The following HNRNPD variants were observed in gnomAD, a reference collection of about 807,000 sequenced individuals.
The protein encoded by HNRNPD is heterogeneous nuclear ribonucleoprotein D0.
Under a neutral mutation model 47.9 loss-of-function variants are expected in HNRNPD, and 3 were observed. The ratio of observed to expected loss-of-function variants is 0.06; its 90% CI spans 0.03 to 0.16. HNRNPD has a LOEUF of 0.16. Ranked by LOEUF, HNRNPD falls within the 10% of genes least tolerant of loss-of-function variation. The pLI is 1.00. For synonymous variants in HNRNPD, 171 were observed against 165.1 expected (o/e 1.04, Z -0.28); for missense variants, 287 against 454.2 (o/e 0.63, Z 3.35).
chr4:82,358,763 T>C lies in HNRNPD; in HGVS notation c.517A>G (p.Lys173Glu), dbSNP rs1242676926. 1 of 1,613,048 alleles carries C rather than the reference T, an allele frequency of 6.2e-7. No individual in the cohort carries two copies. The highest frequency in any genetic ancestry group is 8.5e-7 in the Non-Finnish European group (1 of 1,179,828). The stretch of plus-strand genomic sequence containing the variant: ...ACCGGCTCTTTTGTTTTCATGGCTT[T>C]GGCCCTTTTAGGATCAATCACCTTC... ...NGKVIDPKRA[K>E]AMKTKEPVKK... is the part of the protein sequence containing the mutation. The change falls in exon 4 of 9, where the codon AAA (lysine) becomes GAA (glutamate). Residue 173 changes from lysine to glutamate, a missense_variant. Coordinates refer to ENST00000313899, the MANE Select transcript of HNRNPD (RefSeq NM_031370.3).
intron 2 of HNRNPD, among the ~76,000 whole-genome samples, chr4:82,360,686 A>AG (rs1352763705): frequency 6.6e-6 from 1 of 152,118 alleles, no homozygotes; most frequent in Non-Finnish European, 1.5e-5. Context: ...CTGGGATGTG[A>AG]CACTAACTCA....
Position 82,373,983 on chromosome 4 carries a change from A to C in HNRNPD, c.-305T>G. ...ATGGCGCCGCCGCGGACCACCTAAA[A>C]TGGCCGACGGAAGAACGGCGCGTCC... is the stretch of plus-strand genomic sequence containing the variant. On this transcript the variant is annotated 5_prime_UTR_variant, in exon 1 of 9. Coordinates refer to ENST00000313899, the MANE Select transcript of HNRNPD (RefSeq NM_031370.3). The C allele has an allele frequency of 6.1e-5, 36 of 590,384 alleles. No individual in the cohort carries two copies. The highest frequency in any genetic ancestry group is 8.6e-5 in the Non-Finnish European group (31 of 358,640). The allele number at this position is 590,384 out of a possible 1,614,324, so 36.6% of individuals were successfully genotyped here. A position where few individuals can be genotyped will look rare whatever the true frequency, so the allele number is the denominator to read the frequency against.
intron 2 of HNRNPD, among the ~76,000 whole-genome samples, chr4:82,360,589 A>C (rs973034222): frequency 6.6e-6 from 1 of 152,132 alleles, no homozygotes; most frequent in African/African-American, 2.4e-5. Context: ...TTGTTACATA[A>C]TGGCTAAAAA....
At position 82,356,654 on chromosome 4, in the gene HNRNPD, T is replaced by C. The variant is rs1287557142; in HGVS notation, c.883A>G (p.Ser295Gly). 1 of 1,613,002 alleles carries C rather than the reference T, an allele frequency of 6.2e-7. No homozygotes were observed. The highest frequency in any genetic ancestry group is 1.3e-5 in the African/African-American group (1 of 74,910). The change falls in exon 7 of 9, where the codon AGT becomes GGT. Residue 295 changes from serine to glycine, a missense_variant. Transcript: ENST00000313899. Reference sequence around the variant, plus strand: ...CCATAGCCTTGATTCCAATAGTTACTATATCCCTGGTTCCAGTTTTGACTG... The same window carrying C: ...CCATAGCCTTGATTCCAATAGTTACCATATCCCTGGTTCCAGTTTTGACTG... ...GPSQNWNQGYSNYWNQGYGNY... is the reference protein window; with the variant it reads ...GPSQNWNQGYGNYWNQGYGNY...
chr4:82,372,892 C>A (rs1250411761), intron 1 of HNRNPD, among the ~76,000 whole-genome samples: 1 of 152,132 alleles, frequency 6.6e-6, no homozygotes, highest in Non-Finnish European at 1.5e-5. Flanking sequence ...TATTCAAAAT[C>A]CCAAGAAAAC....
At chr4:82,363,395 T>TA (rs1719587953) in intron 2 of HNRNPD, among the ~76,000 whole-genome samples, 20 of 152,314 alleles carry the variant, frequency 1.3e-4, no homozygotes, top group Admixed American at 7.2e-4. Flanking sequence ...TTTCTATGAC[T>TA]GTATCTTGCT....
At position 82,352,835 on chromosome 4, in the gene HNRNPD, T is replaced by C. The variant is rs1349928187; in HGVS notation, c.*1350A>G. On this transcript the variant is annotated 3_prime_UTR_variant, in exon 9 of 9. Coordinates refer to ENST00000313899, the MANE Select transcript of HNRNPD (RefSeq NM_031370.3). ...ACACTAACTTTTGCTCATTAAAATGTTTGCTTAGTTGGAGGTCAAATTCTT... is the reference window on the plus strand; with the variant it reads ...ACACTAACTTTTGCTCATTAAAATGCTTGCTTAGTTGGAGGTCAAATTCTT... 1 of 152,206 alleles carries C rather than the reference T, an allele frequency of 6.6e-6. No homozygotes were observed. The highest frequency in any genetic ancestry group is 1.5e-5 in the Non-Finnish European group (1 of 68,038). 9.4% of individuals were successfully genotyped at this position (152,206 alleles called of 1,614,324 possible).
intron 2 of HNRNPD, among the ~76,000 whole-genome samples, chr4:82,369,386 T>C (rs935617308): frequency 3.3e-5 from 5 of 152,220 alleles, no homozygotes; most frequent in African/African-American, 9.6e-5. Context: ...TGTAGAAACA[T>C]CCACTAGAGG....
intron 2 of HNRNPD, 140 bp downstream of exon 2, chr4:82,371,388 A>AT (rs773510644): frequency 3.7e-5 from 21 of 571,592 alleles, no homozygotes; most frequent in Non-Finnish European, 6.0e-5. Flanking sequence ...TAAAAGGTAT[A>AT]TATCCCAGGT....
intron 2 of HNRNPD, among the ~76,000 whole-genome samples, chr4:82,362,152 A>C (rs145389652): frequency 6.6e-6 from 1 of 152,334 alleles, no homozygotes; most frequent in East Asian, 1.9e-4. Flanking sequence ...TATGGCTCAG[A>C]CATCACTATT....
intron 2 of HNRNPD, among the ~76,000 whole-genome samples, chr4:82,365,464 G>A (rs1323092332): frequency 6.6e-6 from 1 of 151,986 alleles, no homozygotes; most frequent in South Asian, 2.1e-4. Context: ...GGGGAAGGGA[G>A]GAGGTTACAA....
chr4:82,356,542 T>C lies in HNRNPD; in HGVS notation c.995A>G (p.Tyr332Cys), dbSNP rs1456935171. ...GYNNYYGYGD[Y>C]SNQQSGYGKV... ...ATAAAAAGTATAGTACTTACTGCTA[T>C]AATCACCATATCCATAGTAGTTGTT... The change falls in exon 7 of 9, where the codon TAT becomes TGT. Residue 332 changes from tyrosine to cysteine, a missense_variant. This residue lies in a region of HNRNPD where 65 missense variants were observed against 107.1 expected (regional missense o/e 0.61). Coordinates refer to ENST00000313899, the MANE Select transcript of HNRNPD (RefSeq NM_031370.3). 1.2e-6 allele frequency: 2 copies of C among 1,606,036 alleles called. No homozygotes were observed. Among genetic ancestry groups the C allele is most frequent in the Non-Finnish European group, 1.7e-6 (2 of 1,174,934 alleles).
intron 7 of HNRNPD, 199 bp from the exon 8 acceptor site, chr4:82,355,600 C>G (rs557008984): frequency 7.7e-5 from 44 of 572,982 alleles, no homozygotes; most frequent in African/African-American, 6.4e-4. Context: ...TCAGAATGAG[C>G]TGATTACTTG....
At chr4:82,361,866 C>T (rs1474730951) in intron 2 of HNRNPD, among the ~76,000 whole-genome samples, 4 of 152,238 alleles carry the variant, frequency 2.6e-5, no homozygotes, top group Admixed American at 1.3e-4. Flanking sequence ...GTTTAATATG[C>T]CTACCTTAGA....
At chr4:82,373,328 A>C in intron 1 of HNRNPD, 118 bp downstream of exon 1, 1 of 1,326,346 alleles carries the variant, frequency 7.5e-7, no homozygotes, top group Non-Finnish European at 1.0e-6. Flanking sequence ...CAGTGCAAGG[A>C]GGCTGCATGG....
At chr4:82,373,410 G>A (rs1227008586) in intron 1 of HNRNPD, 36 bp downstream of exon 1, 3 of 1,550,444 alleles carry the variant, frequency 1.9e-6, no homozygotes, top group Non-Finnish European at 1.7e-6. Flanking sequence ...AGGGGGACTA[G>A]TTGGGCCTGA....
At chr4:82,369,232 G>A (rs542653341) in intron 2 of HNRNPD, among the ~76,000 whole-genome samples, 1 of 152,174 alleles carries the variant, frequency 6.6e-6, no homozygotes, top group African/African-American at 2.4e-5. Context: ...AGAACAGAAT[G>A]GGTCCACACC....
At chr4:82,355,436 G>A (rs767301959) in intron 7 of HNRNPD, 35 bp from the exon 8 acceptor site, 1 of 1,444,582 alleles carries the variant, frequency 6.9e-7, no homozygotes. Flanking sequence ...CAGAACGGTA[G>A]TGGTTACATA....
intron 2 of HNRNPD, among the ~76,000 whole-genome samples, chr4:82,369,110 T>C (rs1343079832): frequency 1.3e-5 from 2 of 152,226 alleles, no homozygotes; most frequent in African/African-American, 2.4e-5. Flanking sequence ...TTTCCATTGA[T>C]TTTTAAACTT....
Sources: allele counts gnomAD v4.1 joint callset (sites outside exome capture counted in the v4.1 genomes callset), GRCh38; gene constraint gnomAD v4.1.1; regional missense constraint gnomAD v4.1.1; transcripts MANE v1.5; gene names NCBI Gene and HGNC (gene_info 2026-07-23, HGNC 2026-07-21).